The following CERS3 variants were observed in gnomAD, a reference collection of about 807,000 sequenced individuals.
CERS3 encodes ceramide synthase 3, also known as LAG1 homolog, ceramide synthase 3.
A neutral mutation model predicts 50.3 loss-of-function variants in CERS3; 33 were observed. The ratio of observed to expected loss-of-function variants is 0.66; its 90% CI spans 0.50 to 0.88. The LOEUF (loss-of-function observed/expected upper bound fraction) is 0.88, where lower values mean the gene tolerates loss of function less well. CERS3 is among the 40% of genes least tolerant of loss of function. The pLI is 0.00. For missense variants in CERS3, 470 were observed against 460.3 expected, an observed-to-expected ratio of 1.02 and a Z score of -0.19; for synonymous variants, 176 against 155.2, an observed-to-expected ratio of 1.13 and a Z score of -0.99.
At chr15:100,538,649 G>A (rs777573329) in intron 1 of CERS3, among the ~76,000 whole-genome samples, 4 of 152,186 alleles carry the variant, frequency 2.6e-5, no homozygotes, top group South Asian at 2.1e-4. Flanking sequence ...GCCCTGGGCC[G>A]AGCCCACAAA....
At chr15:100,482,462 A>C (rs1385468655) in intron 5 of CERS3, among the ~76,000 whole-genome samples, 3 of 152,076 alleles carry the variant, frequency 2.0e-5, no homozygotes, top group Non-Finnish European at 4.4e-5. Context: ...GGCCGCATCC[A>C]CCCAGCCGGG....
intron 10 of CERS3, among the ~76,000 whole-genome samples, chr15:100,458,144 G>A (rs1262912193): frequency 6.6e-6 from 1 of 152,186 alleles, no homozygotes; most frequent in Non-Finnish European, 1.5e-5. Flanking sequence ...ACTGAACTCA[G>A]AACCAGTATG....
At chr15:100,481,611 T>G (rs2142270870) in intron 5 of CERS3, among the ~76,000 whole-genome samples, 1 of 152,386 alleles carries the variant, frequency 6.6e-6, no homozygotes, top group South Asian at 2.1e-4. Context: ...ACATGCGCTA[T>G]GTCACATTTT....
intron 10 of CERS3, among the ~76,000 whole-genome samples, chr15:100,465,124 T>C (rs773614440): frequency 6.6e-6 from 1 of 152,026 alleles, no homozygotes; most frequent in Non-Finnish European, 1.5e-5. Context: ...CGCCCTACCG[T>C]GTATATCACC....
chr15:100,524,122 A>G (rs1486371400), intron 1 of CERS3, among the ~76,000 whole-genome samples: 1 of 152,208 alleles, frequency 6.6e-6, no homozygotes, highest in Non-Finnish European at 1.5e-5. Context: ...ATTTTCAGAC[A>G]GTATTGAGAA....
At position 100,501,537 on chromosome 15, in the gene CERS3, T is replaced by C. The variant is rs1596771535; in HGVS notation, c.173+140A>G. 9 of 672,498 alleles carry C rather than the reference T, an allele frequency of 1.3e-5. No homozygotes were observed. The East Asian group carries it at 2.5e-4, about 19-fold the overall frequency. 41.7% of individuals were successfully genotyped at this position (672,498 alleles called of 1,614,324 possible). A position where few individuals can be genotyped will look rare whatever the true frequency, so the allele number is the denominator to read the frequency against. ...TTGGAGCGCATCTGATTACATTAAC[T>C]CATCCCCAGAATCTGTGGCCCATTA... On this transcript the variant is annotated intron_variant, in intron 3 of 11. Coordinates refer to ENST00000679737, the MANE Select transcript of CERS3 (RefSeq NM_001378789.1).
chr15:100,446,654 G>A (rs780353866), intron 11 of CERS3, among the ~76,000 whole-genome samples: 1 of 152,156 alleles, frequency 6.6e-6, no homozygotes, highest in Non-Finnish European at 1.5e-5. Flanking sequence ...TACACGGATA[G>A]TAACACCTAA....
At chr15:100,446,661 C>T (rs2033956758) in intron 11 of CERS3, among the ~76,000 whole-genome samples, 1 of 152,114 alleles carries the variant, frequency 6.6e-6, no homozygotes, top group African/African-American at 2.4e-5. Flanking sequence ...ATAGTAACAC[C>T]TAAATGTGAG....
intron 2 of CERS3, among the ~76,000 whole-genome samples, chr15:100,504,635 A>C (rs2036120315): frequency 6.6e-6 from 1 of 152,198 alleles, no homozygotes; most frequent in Non-Finnish European, 1.5e-5. Flanking sequence ...ATGGTGGAAC[A>C]AAGATAATCA....
At chr15:100,482,613 A>ATTT (rs2035345679) in intron 5 of CERS3, among the ~76,000 whole-genome samples, 1 of 4,108 alleles carries the variant, frequency 2.4e-4, no homozygotes, top group African/African-American at 3.2e-4. Context: ...TTTTTTTTTA[A>ATTT]AAAAAAGGGC....
intron 3 of CERS3, among the ~76,000 whole-genome samples, chr15:100,493,899 A>G (rs1046228179): frequency 2.0e-5 from 3 of 151,992 alleles, no homozygotes; most frequent in Non-Finnish European, 4.4e-5. Context: ...CACTGTTTTC[A>G]TGCTTTCCTT....
chr15:100,479,301 T>C (rs2035228319), intron 7 of CERS3, 127 bp downstream of exon 7: 1 of 614,864 alleles, frequency 1.6e-6, no homozygotes, highest in South Asian at 2.5e-5. Context: ...GAAGCTCAAG[T>C]AGAAAAAGTG....
intron 11 of CERS3, among the ~76,000 whole-genome samples, chr15:100,410,825 TAA>T (rs766944209): frequency 5.9e-5 from 9 of 152,218 alleles, no homozygotes; most frequent in Non-Finnish European, 1.2e-4. Context: ...AAAATGCACA[TAA>T]GATTTACTAT....
chr15:100,424,913 A>G (rs1034940887), intron 11 of CERS3, among the ~76,000 whole-genome samples: 1 of 152,182 alleles, frequency 6.6e-6, no homozygotes, highest in African/African-American at 2.4e-5. Flanking sequence ...AATGCCTCCA[A>G]GGCATTTTCC....
At chr15:100,417,132 G>T (rs370110012) in intron 11 of CERS3, among the ~76,000 whole-genome samples, 1 of 152,116 alleles carries the variant, frequency 6.6e-6, no homozygotes, top group Admixed American at 6.5e-5. Context: ...CGTGAGCGAC[G>T]CAGAAGATGG....
upstream of CERS3, among the ~76,000 whole-genome samples, chr15:100,533,179 C>T (rs2036982205): frequency 6.6e-6 from 1 of 152,206 alleles, no homozygotes; most frequent in Admixed American, 6.5e-5. Flanking sequence ...TGCATCCAGA[C>T]TCACCTGGGG....
chr15:100,532,429 C>T (rs376461579), upstream of CERS3, among the ~76,000 whole-genome samples: 4 of 152,176 alleles, frequency 2.6e-5, no homozygotes, highest in Admixed American at 6.5e-5. Context: ...TTTTCATAGA[C>T]GTTTCAAATG....
intron 11 of CERS3, among the ~76,000 whole-genome samples, chr15:100,447,051 C>T (rs1262911815): frequency 6.6e-6 from 1 of 152,126 alleles, no homozygotes; most frequent in Admixed American, 6.5e-5. Context: ...TTGAAATGGC[C>T]CTACCAAACT....
chr15:100,461,398 C>T (rs1217902885), intron 10 of CERS3, among the ~76,000 whole-genome samples: 2 of 152,180 alleles, frequency 1.3e-5, no homozygotes, highest in Middle Eastern at 3.4e-3. Context: ...AGAGGAGAGG[C>T]CAGTGGAATT....
Sources: allele counts gnomAD v4.1 joint callset (sites outside exome capture counted in the v4.1 genomes callset), GRCh38; gene constraint gnomAD v4.1.1; transcripts MANE v1.5; gene names NCBI Gene and HGNC (gene_info 2026-07-23, HGNC 2026-07-21).